The following PDE4D variants were observed in gnomAD, a reference collection of about 807,000 sequenced individuals.
PDE4D encodes 3',5'-cyclic-AMP phosphodiesterase 4D.
In PDE4D, 24 loss-of-function variants were observed where a neutral mutation model predicts 87.4. That is an observed-to-expected ratio of 0.27 (90% CI 0.20 to 0.39). PDE4D has a LOEUF of 0.39. Ranked by LOEUF, PDE4D falls within the 10% of genes least tolerant of loss-of-function variation. The pLI, the probability that PDE4D is intolerant of heterozygous loss-of-function variation, is 1.00. For synonymous variants in PDE4D, 384 were observed against 383.2 expected (o/e 1.00, Z -0.02); for missense variants, 714 against 1,041.0 (o/e 0.69, Z 4.32).
At chr5:59,596,765 A>ATC (rs1180292944) in intron 1 of PDE4D, among the ~76,000 whole-genome samples, 1 of 152,046 alleles carries the variant, frequency 6.6e-6, no homozygotes, top group Admixed American at 6.6e-5. Flanking sequence ...ACTCACTGAC[A>ATC]TCTGATTCAT....
intron 1 of PDE4D, among the ~76,000 whole-genome samples, chr5:60,199,966 A>G (rs1741720428): frequency 6.6e-6 from 1 of 151,638 alleles, no homozygotes; most frequent in Non-Finnish European, 1.5e-5. Context: ...AGAGTATTAA[A>G]CCAGCTTCAG....
At chr5:60,448,261 A>C (rs1296088105) in intron 1 of PDE4D, among the ~76,000 whole-genome samples, 1 of 152,180 alleles carries the variant, frequency 6.6e-6, no homozygotes, top group African/African-American at 2.4e-5. Context: ...ATATTTAAAA[A>C]TTCAAAAAAT....
At chr5:59,967,880 A>C (rs1760228584) in intron 3 of PDE4D, among the ~76,000 whole-genome samples, 2 of 152,088 alleles carry the variant, frequency 1.3e-5, no homozygotes, top group Non-Finnish European at 1.5e-5. Context: ...CATAAAGAAA[A>C]TGTGGTACAT....
chr5:60,104,053 G>A (rs533040153), intron 2 of PDE4D, among the ~76,000 whole-genome samples: 26 of 152,302 alleles, frequency 1.7e-4, no homozygotes, highest in African/African-American at 5.8e-4. Flanking sequence ...GAAGCAGGGC[G>A]AGGCATTGCC....
chr5:60,180,586 A>G (rs572773781), intron 2 of PDE4D, among the ~76,000 whole-genome samples: 1 of 152,308 alleles, frequency 6.6e-6, no homozygotes, highest in Non-Finnish European at 1.5e-5. Context: ...TAGTTATCAG[A>G]TATGCTCTAT....
At chr5:59,450,764 C>T (rs778783608) in intron 1 of PDE4D, among the ~76,000 whole-genome samples, 45 of 152,288 alleles carry the variant, frequency 3.0e-4, no homozygotes, top group Admixed American at 2.6e-4. Flanking sequence ...CTCCCACAGT[C>T]ATCATTTCCA....
chr5:59,056,828 T>C (rs1204021574), intron 5 of PDE4D, among the ~76,000 whole-genome samples: 1 of 152,186 alleles, frequency 6.6e-6, no homozygotes, highest in Non-Finnish European at 1.5e-5. Context: ...ATGTGCCACA[T>C]TAAAAATGAC....
intron 5 of PDE4D, among the ~76,000 whole-genome samples, chr5:59,169,058 A>AT (rs1283339991): frequency 6.6e-6 from 1 of 151,498 alleles, no homozygotes; most frequent in Non-Finnish European, 1.5e-5. Flanking sequence ...TTTTTAAAGC[A>AT]TTTTTTGAGA....
At chr5:59,565,202 G>A (rs1820676702) in intron 1 of PDE4D, among the ~76,000 whole-genome samples, 2 of 152,102 alleles carry the variant, frequency 1.3e-5, no homozygotes, top group Admixed American at 1.3e-4. Context: ...CAGGTGGTGA[G>A]ACTGGAGGCC....
intron 1 of PDE4D, among the ~76,000 whole-genome samples, chr5:60,236,021 C>G (rs1397903886): frequency 6.6e-6 from 1 of 151,818 alleles, no homozygotes; most frequent in Admixed American, 6.6e-5. Flanking sequence ...GGTGCTGGAG[C>G]AATGCATACA....
intron 1 of PDE4D, among the ~76,000 whole-genome samples, chr5:60,197,817 A>G (rs1741443694): frequency 6.6e-6 from 1 of 151,720 alleles, no homozygotes; most frequent in African/African-American, 2.4e-5. Context: ...GACTATGAGT[A>G]GAAACCAAAA....
At chr5:59,783,926 T>C (rs1764878846) in intron 1 of PDE4D, among the ~76,000 whole-genome samples, 1 of 152,020 alleles carries the variant, frequency 6.6e-6, no homozygotes, top group African/African-American at 2.4e-5. Context: ...GGTATGGTGG[T>C]GTGCACCTGT....
chr5:59,901,945 C>T (rs1280993647), intron 3 of PDE4D, among the ~76,000 whole-genome samples: 2 of 148,224 alleles, frequency 1.3e-5, no homozygotes, highest in Non-Finnish European at 3.0e-5. Flanking sequence ...CACACACACA[C>T]ACACACACAC....
At chr5:59,182,251 TA>T (rs1435954697) in intron 4 of PDE4D, among the ~76,000 whole-genome samples, 1 of 130,594 alleles carries the variant, frequency 7.7e-6, no homozygotes, top group Non-Finnish European at 1.6e-5. Context: ...TTCTTCTTCT[TA>T]AATTTTTTTT....
intron 2 of PDE4D, among the ~76,000 whole-genome samples, chr5:60,107,980 GTCAACATAGTGT>G (rs1562103224): frequency 2.6e-4 from 40 of 152,062 alleles, no homozygotes; most frequent in African/African-American, 9.4e-4. Flanking sequence ...ACCACTCCTA[GTCAACATAGTGT>G]TGGAAGTTCT....
intron 1 of PDE4D, among the ~76,000 whole-genome samples, chr5:59,536,617 G>A (rs186357068): frequency 1.3e-5 from 2 of 150,206 alleles, no homozygotes; most frequent in Non-Finnish European, 2.9e-5. Context: ...TTAGCTCTAT[G>A]CATTTGCAAT....
At chr5:59,456,319 A>T (rs897475749) in intron 1 of PDE4D, among the ~76,000 whole-genome samples, 1 of 152,146 alleles carries the variant, frequency 6.6e-6, no homozygotes, top group African/African-American at 2.4e-5. Context: ...TGAGTCTCAT[A>T]AGATCTGATG....
At chr5:60,317,970 T>A (rs1246507101) in intron 1 of PDE4D, among the ~76,000 whole-genome samples, 1 of 152,196 alleles carries the variant, frequency 6.6e-6, no homozygotes, top group East Asian at 1.9e-4. Context: ...TCTGTAGATT[T>A]GGGGTGGAGA....
intron 1 of PDE4D, among the ~76,000 whole-genome samples, chr5:59,310,561 T>C (rs1772379963): frequency 6.6e-6 from 1 of 152,154 alleles, no homozygotes; most frequent in Admixed American, 6.5e-5. Flanking sequence ...AGGACAATTC[T>C]TTCTCTGCCT....
Sources: gnomAD v4.1 joint callset for allele counts (sites outside exome capture counted in the v4.1 genomes callset) on GRCh38, gnomAD v4.1.1 for gene constraint, MANE v1.5 for transcripts, NCBI Gene and HGNC (gene_info 2026-07-23, HGNC 2026-07-21) for gene names.